The following CADPS variants were observed in gnomAD, a reference collection of about 807,000 sequenced individuals.
CADPS encodes calcium dependent secretion activator, also known as calcium-dependent secretion activator 1.
In CADPS, 57 loss-of-function variants were observed where a neutral mutation model predicts 167.3. The ratio of observed to expected loss-of-function variants is 0.34; its 90% confidence interval spans 0.28 to 0.42. The LOEUF (loss-of-function observed/expected upper bound fraction) is 0.42, where lower values mean the gene tolerates loss of function less well. CADPS is among the 20% of genes least tolerant of loss of function. The probability of loss-of-function intolerance (pLI) is 1.00; values close to 1 mark genes in which losing one functional copy is unlikely to be tolerated. For synonymous variants in CADPS, 676 were observed against 635.3 expected (o/e 1.06, Z -0.96); for missense variants, 1,414 against 1,738.1 (o/e 0.81, Z 3.32).
intron 3 of CADPS, among the ~76,000 whole-genome samples, chr3:62,748,922 T>C (rs1021714552): frequency 2.0e-5 from 3 of 152,154 alleles, no homozygotes; most frequent in African/African-American, 4.8e-5. Flanking sequence ...CTAAAACCCT[T>C]GGACTCACAT....
At chr3:62,786,322 C>A (rs769156157) in intron 1 of CADPS, among the ~76,000 whole-genome samples, 1 of 152,042 alleles carries the variant, frequency 6.6e-6, no homozygotes, top group Non-Finnish European at 1.5e-5. Flanking sequence ...GGAAATGACT[C>A]TTCTAGTGTG....
At position 62,570,858 on chromosome 3, in the gene CADPS, G is replaced by A. The variant is rs1173805871; in HGVS notation, c.1644+14C>T. On this transcript the variant is annotated intron_variant, in intron 9 of 29. Coordinates refer to ENST00000383710, the MANE Select transcript of CADPS (RefSeq NM_003716.4). ...TTAATACTGATGTCTCTTAAGAGTT[G>A]AAGAGTTAGTTACCTGCACCAATAC... The A allele has an allele frequency of 6.4e-7, 1 of 1,560,504 alleles. No homozygotes were observed. Among genetic ancestry groups the A allele is most frequent in the East Asian group, 2.2e-5 (1 of 44,652 alleles).
intron 1 of CADPS, among the ~76,000 whole-genome samples, chr3:62,871,445 A>T (rs1379809366): frequency 3.9e-5 from 6 of 152,022 alleles, no homozygotes; most frequent in Non-Finnish European, 8.8e-5. Context: ...GAGAGAAATA[A>T]CTCTGGGTAA....
intron 17 of CADPS, among the ~76,000 whole-genome samples, chr3:62,511,555 T>C (rs1332550570): frequency 6.6e-6 from 1 of 152,204 alleles, no homozygotes; most frequent in Non-Finnish European, 1.5e-5. Flanking sequence ...TTATTTTTTA[T>C]TAGCTATCTG....
At chr3:62,827,067 C>T (rs2074197026) in intron 1 of CADPS, among the ~76,000 whole-genome samples, 1 of 152,180 alleles carries the variant, frequency 6.6e-6, no homozygotes, top group South Asian at 2.1e-4. Flanking sequence ...TGAAACACCA[C>T]ATCCCAGTAG....
intron 3 of CADPS, among the ~76,000 whole-genome samples, chr3:62,746,235 A>C (rs1390284030): frequency 6.6e-6 from 1 of 152,224 alleles, no homozygotes; most frequent in Non-Finnish European, 1.5e-5. Context: ...GTATATGACA[A>C]GAATGAGGAG....
chr3:62,499,838 T>C (rs935420794), intron 17 of CADPS: 1 of 152,518 alleles, frequency 6.6e-6, no homozygotes, highest in African/African-American at 2.4e-5. Flanking sequence ...ATAATAATTC[T>C]TAAAAGGGTG....
At chr3:62,769,196 A>G (rs1447514208) in intron 1 of CADPS, among the ~76,000 whole-genome samples, 2 of 151,734 alleles carry the variant, frequency 1.3e-5, no homozygotes, top group Non-Finnish European at 2.9e-5. Flanking sequence ...TGCTCAATAC[A>G]TCTTAGCTAC....
chr3:62,856,433 A>C (rs1169120855), intron 1 of CADPS, among the ~76,000 whole-genome samples: 1 of 152,150 alleles, frequency 6.6e-6, no homozygotes, highest in Non-Finnish European at 1.5e-5. Context: ...TAATCTACAG[A>C]GACCATGGAA....
chr3:62,596,721 C>G (rs1467618142), intron 6 of CADPS, among the ~76,000 whole-genome samples: 1 of 152,098 alleles, frequency 6.6e-6, no homozygotes, highest in African/African-American at 2.4e-5. Context: ...CTTTTGTATC[C>G]TTTGTGGCTT....
chr3:62,413,680 T>G (rs895805064), intron 28 of CADPS, among the ~76,000 whole-genome samples: 2 of 152,162 alleles, frequency 1.3e-5, no homozygotes, highest in African/African-American at 4.8e-5. Flanking sequence ...TACAGATCGG[T>G]TGCATAACAC....
intron 9 of CADPS, among the ~76,000 whole-genome samples, chr3:62,559,666 G>A (rs535168157): frequency 1.3e-5 from 2 of 152,016 alleles, no homozygotes; most frequent in East Asian, 3.9e-4. Context: ...GGCTAATTTT[G>A]TATTTTTAGT....
intron 3 of CADPS, among the ~76,000 whole-genome samples, chr3:62,735,858 T>C (rs535708114): frequency 1.1e-3 from 164 of 152,302 alleles, no homozygotes; most frequent in African/African-American, 3.8e-3. Context: ...GAGATGATAG[T>C]GTAATGAAAT....
In CADPS at chr3:62,557,332, C is replaced by A. The variant is rs1415813838; in HGVS notation, c.1753+73G>T. On this transcript the variant is annotated intron_variant, in intron 10 of 29. Transcript: ENST00000383710. Reference sequence around the variant, plus strand: ...TGCCTAGCATGGAGTAAGTGCCCAGCAATTATTAGTTGACCATTGATTTGG... The same window carrying A: ...TGCCTAGCATGGAGTAAGTGCCCAGAAATTATTAGTTGACCATTGATTTGG... 6 of 1,003,750 alleles carry A rather than the reference C, an allele frequency of 6.0e-6. No individual in the cohort carries two copies. The African/African-American group carries it at 6.3e-5, about 11-fold the overall frequency. 62.2% of individuals were successfully genotyped at this position (1,003,750 alleles called of 1,614,324 possible).
intron 1 of CADPS, among the ~76,000 whole-genome samples, chr3:62,817,081 T>C (rs559617913): frequency 9.2e-5 from 14 of 152,272 alleles, no homozygotes; most frequent in Non-Finnish European, 1.9e-4. Context: ...ACCTGGAGTC[T>C]CTAAGGATTT....
At chr3:62,414,420 T>A (rs909657935) in intron 28 of CADPS, among the ~76,000 whole-genome samples, 1 of 152,218 alleles carries the variant, frequency 6.6e-6, no homozygotes, top group African/African-American at 2.4e-5. Flanking sequence ...ATTAGGCTAA[T>A]AATGCAAGGC....
intron 17 of CADPS, chr3:62,500,096 C>T (rs968314706): frequency 1.3e-5 from 2 of 152,052 alleles, no homozygotes; most frequent in Non-Finnish European, 2.9e-5. Context: ...AAACTTTTTT[C>T]CTTTGGGAAA....
Position 62,544,920 on chromosome 3 carries a change from T to C in CADPS, c.1966+4983A>G. On this transcript the variant is annotated intron_variant, in intron 11 of 29. Transcript: ENST00000383710. This position sits in a 1 kb window ranked among gnomAD's most constrained non-coding sequence, Gnocchi z 4.4. Reference sequence around the variant, plus strand: ...ATAACATAAAGACTAGCAACAAGGCTCAGGAAAGCAGACAGGAGTTCTAAC... The same window carrying C: ...ATAACATAAAGACTAGCAACAAGGCCCAGGAAAGCAGACAGGAGTTCTAAC... The C allele has an allele frequency of 1.8e-6, 2 of 1,082,112 alleles. No homozygotes were observed. Among genetic ancestry groups the C allele is most frequent in the Non-Finnish European group, 2.4e-6 (2 of 850,460 alleles). 67.0% of individuals were successfully genotyped at this position (1,082,112 alleles called of 1,614,324 possible).
At chr3:62,735,196 A>C (rs2078745290) in intron 3 of CADPS, among the ~76,000 whole-genome samples, 1 of 152,158 alleles carries the variant, frequency 6.6e-6, no homozygotes, top group South Asian at 2.1e-4. Context: ...AATATAAATC[A>C]ATCTCTCCAC....
Sources: allele counts gnomAD v4.1 joint callset (sites outside exome capture counted in the v4.1 genomes callset), GRCh38; gene constraint gnomAD v4.1.1; non-coding constraint Gnocchi (gnomAD v3.1); transcripts MANE v1.5; gene names NCBI Gene and HGNC (gene_info 2026-07-23, HGNC 2026-07-21).